Variants in SPART observed in about 807,000 individuals in gnomAD.
SPART encodes the protein spastic paraplegia 20 (Troyer syndrome).
SPART carries 35 observed loss-of-function variants against 58.7 expected under a neutral mutation model. The ratio of observed to expected loss-of-function variants is 0.60; its 90% CI spans 0.46 to 0.79. The LOEUF (loss-of-function observed/expected upper bound fraction) is 0.79, where lower values mean the gene tolerates loss of function less well. SPART is among the 30% of genes least tolerant of loss of function. The pLI, the probability that SPART is intolerant of heterozygous loss-of-function variation, is 0.00. For synonymous variants in SPART, 284 were observed against 280.7 expected (o/e 1.01, Z -0.12); for missense variants, 730 against 786.1 (o/e 0.93, Z 0.85).
chr13:36,305,945 C>G (rs1292050525), intron 8 of SPART, among the ~76,000 whole-genome samples: 1 of 152,184 alleles, frequency 6.6e-6, no homozygotes, highest in Non-Finnish European at 1.5e-5. Flanking sequence ...AACAAGTCCT[C>G]TATTACTAAA....
At chr13:36,312,518 T>C in intron 6 of SPART, 41 bp from the exon 7 acceptor site, 4 of 1,590,776 alleles carry the variant, frequency 2.5e-6, no homozygotes, top group Non-Finnish European at 3.4e-6. Context: ...GAAAAATATA[T>C]TATTCCCTTG....
intron 1 of SPART, among the ~76,000 whole-genome samples, chr13:36,338,197 T>C (rs1161128885): frequency 6.6e-6 from 1 of 152,160 alleles, no homozygotes; most frequent in Non-Finnish European, 1.5e-5. Flanking sequence ...TACATAAAAA[T>C]CATTAAACTA....
intron 1 of SPART, among the ~76,000 whole-genome samples, chr13:36,351,832 AT>A (rs1313005740): frequency 1.3e-5 from 2 of 152,094 alleles, no homozygotes; most frequent in African/African-American, 2.4e-5. Flanking sequence ...AAAATATAGT[AT>A]TTTTTCTTTT....
intron 1 of SPART, among the ~76,000 whole-genome samples, chr13:36,362,914 TTAAC>T (rs1465537123): frequency 1.3e-5 from 2 of 152,344 alleles, no homozygotes; most frequent in African/African-American, 4.8e-5. Context: ...GTCCTCTGTA[TTAAC>T]TAATTTTCTG....
At chr13:36,329,599 A>G (rs926596702) in intron 3 of SPART, 82 bp from the exon 4 acceptor site, 8 of 1,389,422 alleles carry the variant, frequency 5.8e-6, no homozygotes, top group Non-Finnish European at 2.0e-6. Flanking sequence ...ACCATGCTCA[A>G]ATGACATACT....
intron 1 of SPART, among the ~76,000 whole-genome samples, chr13:36,356,027 T>C (rs1885609648): frequency 1.3e-5 from 2 of 152,208 alleles, no homozygotes; most frequent in South Asian, 4.1e-4. Flanking sequence ...AAGGCAGCCT[T>C]GTCCCCTTAG....
chr13:36,357,501 C>T (rs1478869455), intron 1 of SPART, among the ~76,000 whole-genome samples: 5 of 152,216 alleles, frequency 3.3e-5, no homozygotes, highest in Non-Finnish European at 4.4e-5. Context: ...GAATGTCCTA[C>T]GCTGTGCAGC....
chr13:36,304,663 G>GA (rs1170262102), intron 8 of SPART, 31 bp from the exon 9 acceptor site: 14 of 1,604,840 alleles, frequency 8.7e-6, no homozygotes, highest in Non-Finnish European at 1.2e-5. Context: ...GACATACAAT[G>GA]AAACAATAAA....
At chr13:36,356,089 C>T (rs1202234774) in intron 1 of SPART, among the ~76,000 whole-genome samples, 1 of 152,184 alleles carries the variant, frequency 6.6e-6, no homozygotes, top group African/African-American at 2.4e-5. Flanking sequence ...ACCTAACTAG[C>T]TTGTTTACTC....
upstream of SPART, among the ~76,000 whole-genome samples, chr13:36,348,248 G>A (rs1201088451): frequency 1.3e-5 from 2 of 152,160 alleles, no homozygotes; most frequent in Non-Finnish European, 2.9e-5. Flanking sequence ...TTGTGCCACT[G>A]CACCCCAGCC....
chr13:36,311,656 A>G (rs1680566200), intron 8 of SPART, among the ~76,000 whole-genome samples: 5 of 152,240 alleles, frequency 3.3e-5, no homozygotes, highest in Admixed American at 3.3e-4. Flanking sequence ...AACATAAAGC[A>G]AAGTGACAAG....
intron 1 of SPART, among the ~76,000 whole-genome samples, chr13:36,363,459 C>G (rs1414725580): frequency 1.3e-5 from 2 of 151,880 alleles, no homozygotes; most frequent in Non-Finnish European, 2.9e-5. Context: ...TTTGGTCCTC[C>G]CCCTTCTCTG....
chr13:36,365,009 T>G (rs1341486), intron 1 of SPART, among the ~76,000 whole-genome samples: 36,952 of 152,042 alleles, frequency 0.24, 5,209 homozygotes, highest in East Asian at 0.52. Context: ...CTAAACTGTT[T>G]TGCATGACTC....
At chr13:36,333,429 A>AC (rs1555262863) in intron 2 of SPART, among the ~76,000 whole-genome samples, 4 of 132,320 alleles carry the variant, frequency 3.0e-5, no homozygotes, top group African/African-American at 1.2e-4. Flanking sequence ...TTATTATTGT[A>AC]TTTTTTTTTT....
chr13:36,310,388 T>C (rs1363534561), intron 8 of SPART, among the ~76,000 whole-genome samples: 2 of 152,238 alleles, frequency 1.3e-5, no homozygotes, highest in African/African-American at 2.4e-5. Flanking sequence ...TCTTCTAGTA[T>C]TGTATAAAGA....
At chr13:36,362,612 C>G (rs540166241) in intron 1 of SPART, among the ~76,000 whole-genome samples, 2 of 152,064 alleles carry the variant, frequency 1.3e-5, no homozygotes. Flanking sequence ...CTGCATGAGG[C>G]CACCTGAGAA....
Position 36,331,743 on chromosome 13 carries a change from T to C in SPART, c.811-147A>G, listed in dbSNP as rs191222255. On this transcript the variant is annotated intron_variant, in intron 2 of 8. Coordinates refer to ENST00000438666, the MANE Select transcript of SPART (RefSeq NM_015087.5). ...TAAAAGGCTTTAAGAAACATCAACA[T>C]CAACAAATCCCCAAGAAAATTAATC... 9 of 632,444 alleles carry C rather than the reference T, an allele frequency of 1.4e-5. No individual in the cohort carries two copies. The Admixed American group carries it at 2.1e-4, about 15-fold the overall frequency. 39.2% of individuals were successfully genotyped at this position (632,444 alleles called of 1,614,324 possible).
At chr13:36,309,307 G>T (rs1254271197) in intron 8 of SPART, among the ~76,000 whole-genome samples, 1 of 151,330 alleles carries the variant, frequency 6.6e-6, no homozygotes, top group Non-Finnish European at 1.5e-5. Flanking sequence ...TGATTCAAAG[G>T]TATGTATGTC....
At position 36,334,193 on chromosome 13, in the gene SPART, C is replaced by T. The variant is rs142836949; in HGVS notation, c.810+828G>A. 2.0e-4 allele frequency among the ~76,000 whole-genome samples: 31 copies of T among 152,318 alleles called. No homozygotes were observed. The East Asian group carries it at 5.6e-3, about 28-fold the overall frequency. On this transcript the variant is annotated intron_variant, in intron 2 of 8. Coordinates refer to ENST00000438666, the MANE Select transcript of SPART (RefSeq NM_015087.5). Reference sequence around the variant, plus strand: ...AGTCCTCATTTCAAGAACTCATCTTCCTATACCTACATCCAATCTTTTAAA... The same window carrying T: ...AGTCCTCATTTCAAGAACTCATCTTTCTATACCTACATCCAATCTTTTAAA...
Sources: allele counts gnomAD v4.1 joint callset (sites outside exome capture counted in the v4.1 genomes callset), GRCh38; gene constraint gnomAD v4.1.1; transcripts MANE v1.5; gene names NCBI Gene and HGNC (gene_info 2026-07-23, HGNC 2026-07-21).